Variants in KLHL29 observed in about 807,000 individuals in gnomAD.
KLHL29 encodes the protein kelch like family member 29, also known as kelch-like protein 29.
A neutral mutation model predicts 80.4 loss-of-function variants in KLHL29; 21 were observed. The ratio of observed to expected loss-of-function variants is 0.26; its 90% confidence interval spans 0.19 to 0.38. The LOEUF is 0.38. Among genes scored for constraint, KLHL29 ranks in the 10% least tolerant of loss-of-function variants. The pLI is 1.00. For missense variants in KLHL29, 867 were observed against 1,223.9 expected (o/e 0.71, Z 4.35); for synonymous variants, 511 against 526.8 (o/e 0.97, Z 0.41).
intron 3 of KLHL29, among the ~76,000 whole-genome samples, chr2:23,603,978 C>A (rs2103525044): frequency 6.6e-6 from 1 of 152,306 alleles, no homozygotes; most frequent in Admixed American, 6.5e-5. Flanking sequence ...GAAGTCGGTT[C>A]TGTGAGCTCA....
intron 1 of KLHL29, among the ~76,000 whole-genome samples, chr2:23,418,842 C>T (rs1355114558): frequency 2.0e-5 from 3 of 152,146 alleles, no homozygotes; most frequent in African/African-American, 7.2e-5. Context: ...GTGTTTGACT[C>T]ACAGCATGCA....
chr2:23,449,161 C>T (rs1160414007), intron 1 of KLHL29, among the ~76,000 whole-genome samples: 3 of 152,058 alleles, frequency 2.0e-5, no homozygotes, highest in Non-Finnish European at 2.9e-5. Flanking sequence ...GCTGGCTGGA[C>T]TCCATGACAA....
chr2:23,419,478 C>T (rs1051677464), intron 1 of KLHL29, among the ~76,000 whole-genome samples: 3 of 152,204 alleles, frequency 2.0e-5, no homozygotes, highest in African/African-American at 7.2e-5. Context: ...CACTCACGTA[C>T]ACATGTGACT....
At chr2:23,588,080 C>T (rs868427836) in intron 3 of KLHL29, among the ~76,000 whole-genome samples, 10 of 152,240 alleles carry the variant, frequency 6.6e-5, no homozygotes, top group Admixed American at 5.9e-4. Context: ...TCTGACAATT[C>T]TGGATGACCT....
chr2:23,493,984 G>C (rs748128771), intron 2 of KLHL29, among the ~76,000 whole-genome samples: 3 of 152,190 alleles, frequency 2.0e-5, no homozygotes, highest in Non-Finnish European at 4.4e-5. Context: ...AACAAAGCCA[G>C]ATATTAAATA....
At chr2:23,494,167 C>T (rs1299107098) in intron 2 of KLHL29, among the ~76,000 whole-genome samples, 1 of 152,148 alleles carries the variant, frequency 6.6e-6, no homozygotes. Flanking sequence ...ATTAAAGTAA[C>T]ATAAGGTAAT....
intron 1 of KLHL29, among the ~76,000 whole-genome samples, chr2:23,411,810 T>C (rs1666867172): frequency 6.6e-6 from 1 of 152,142 alleles, no homozygotes; most frequent in Admixed American, 6.5e-5. Flanking sequence ...AGAGTGGAGA[T>C]AAGTTTCTAA....
intron 5 of KLHL29, among the ~76,000 whole-genome samples, chr2:23,654,695 TTGG>T (rs1352102180): frequency 2.9e-4 from 10 of 34,250 alleles, no homozygotes; most frequent in African/African-American, 7.0e-4. Flanking sequence ...GGAACAGAGG[TTGG>T]GGGGGGGGGG....
intron 3 of KLHL29, among the ~76,000 whole-genome samples, chr2:23,602,789 C>T (rs1305289405): frequency 6.6e-6 from 1 of 152,012 alleles, no homozygotes; most frequent in Non-Finnish European, 1.5e-5. Context: ...CGGTCTGAAT[C>T]CCGGGTCAAG....
Position 23,707,171 on chromosome 2 carries a change from G to A in KLHL29, c.*507G>A, listed in dbSNP as rs913679564. On this transcript the variant is annotated 3_prime_UTR_variant, in exon 14 of 14. Coordinates refer to ENST00000486442, the MANE Select transcript of KLHL29 (RefSeq NM_052920.2). Reference sequence around the variant, plus strand: ...GAGGGACAATACTGTGCATCACAAGGCCTAGGAGGCTGCTGGTCCCCACTG... The same window carrying A: ...GAGGGACAATACTGTGCATCACAAGACCTAGGAGGCTGCTGGTCCCCACTG... 2.0e-5 allele frequency: 3 copies of A among 152,268 alleles called. No homozygotes were observed. The highest frequency in any genetic ancestry group is 7.2e-5 in the African/African-American group (3 of 41,446). The allele number at this position is 152,268 out of a possible 1,614,324, so 9.4% of individuals were successfully genotyped here.
At chr2:23,621,935 C>A (rs567757942) in intron 3 of KLHL29, among the ~76,000 whole-genome samples, 152 of 152,292 alleles carry the variant, frequency 1.0e-3, no homozygotes, top group African/African-American at 3.5e-3. Flanking sequence ...AGTATGACAG[C>A]TTGTGTGTAA....
chr2:23,597,355 G>T (rs1572426866), intron 3 of KLHL29, among the ~76,000 whole-genome samples: 1 of 119,670 alleles, frequency 8.4e-6, no homozygotes, highest in Non-Finnish European at 1.7e-5. Context: ...GTATGTATAT[G>T]TGTATGTATA....
chr2:23,638,609 G>A (rs1453557868), intron 3 of KLHL29, among the ~76,000 whole-genome samples: 1 of 152,166 alleles, frequency 6.6e-6, no homozygotes, highest in Non-Finnish European at 1.5e-5. Flanking sequence ...GGCTGGTGTG[G>A]GGGCAGGATA....
Position 23,401,316 on chromosome 2 carries a change from A to G in KLHL29, c.-154+15536A>G, listed in dbSNP as rs150382772. ...TATTTATGCCGGTTTCCCTCTCTCC[A>G]TTCAGAAACCGTACTCTATACACCC... On this transcript the variant is annotated intron_variant, in intron 1 of 13. Coordinates refer to ENST00000486442, the MANE Select transcript of KLHL29 (RefSeq NM_052920.2). Among the ~76,000 whole-genome samples, 26 of 152,194 alleles carry G rather than the reference A, an allele frequency of 1.7e-4. No individual in the cohort carries two copies. In the East Asian group the frequency reaches 4.6e-3, roughly 27 times the overall value.
intron 3 of KLHL29, among the ~76,000 whole-genome samples, chr2:23,585,972 G>A (rs1224033833): frequency 2.0e-5 from 3 of 152,188 alleles, no homozygotes; most frequent in Admixed American, 2.0e-4. Context: ...GCTGGGATGT[G>A]GCTGATGGGC....
chr2:23,458,069 C>T (rs536071794), intron 1 of KLHL29, among the ~76,000 whole-genome samples: 6 of 152,166 alleles, frequency 3.9e-5, no homozygotes, highest in African/African-American at 7.2e-5. Context: ...TGGGGAAAAG[C>T]GTGAGGGTCA....
At position 23,399,398 on chromosome 2, in the gene KLHL29, A is replaced by G. The variant is rs113051208; in HGVS notation, c.-154+13618A>G. Among the ~76,000 whole-genome samples, 306 of 152,372 alleles carry G rather than the reference A, an allele frequency of 2.0e-3. 1 individual carries two copies. Among genetic ancestry groups the G allele is most frequent in the African/African-American group, 7.0e-3 (290 of 41,602 alleles). Reference sequence around the variant, plus strand: ...TAAAATGGTAAATGTTATGGCATGTATGTTTCATCACAATAAAAAAATAGA... The same window carrying G: ...TAAAATGGTAAATGTTATGGCATGTGTGTTTCATCACAATAAAAAAATAGA... On this transcript the variant is annotated intron_variant, in intron 1 of 13. Transcript: ENST00000486442.
chr2:23,619,371 C>T (rs953482506), intron 3 of KLHL29, among the ~76,000 whole-genome samples: 18 of 152,078 alleles, frequency 1.2e-4, no homozygotes, highest in African/African-American at 4.1e-4. Context: ...GGTGGGTGTT[C>T]TCAGAGGGGT....
At chr2:23,539,034 G>T (rs1415364118) in intron 2 of KLHL29, among the ~76,000 whole-genome samples, 1 of 152,198 alleles carries the variant, frequency 6.6e-6, no homozygotes, top group African/African-American at 2.4e-5. Context: ...GAAGAGAAGG[G>T]CTGGGAAAGA....
Sources: allele counts gnomAD v4.1 joint callset (sites outside exome capture counted in the v4.1 genomes callset), GRCh38; gene constraint gnomAD v4.1.1; transcripts MANE v1.5; gene names NCBI Gene and HGNC (gene_info 2026-07-23, HGNC 2026-07-21).